ERICH1: variants seen among roughly 807,000 people sequenced by gnomAD.
ERICH1 encodes the protein glutamate rich 1, also known as glutamate-rich protein 1.
A neutral mutation model predicts 39.6 loss-of-function variants in ERICH1; 56 were observed. The ratio of observed to expected loss-of-function variants is 1.41; its 90% CI spans 1.14 to 1.77. The LOEUF is 1.77. Among genes scored for constraint, ERICH1 ranks in the 40% most tolerant of loss-of-function variants. The pLI, the probability that ERICH1 is intolerant of heterozygous loss-of-function variation, is 0.00. For missense variants in ERICH1, 826 were observed against 575.4 expected (o/e 1.44, Z -4.45); for synonymous variants, 313 against 223.6 (o/e 1.40, Z -3.57).
chr8:710,737 G>A (rs1051795075), intron 2 of ERICH1, among the ~76,000 whole-genome samples: 3 of 152,142 alleles, frequency 2.0e-5, no homozygotes, highest in East Asian at 1.9e-4. Flanking sequence ...ATAATTTTCC[G>A]TTGTCTGGAT....
chr8:695,006 C>A (rs893186551), intron 2 of ERICH1, among the ~76,000 whole-genome samples: 9 of 152,138 alleles, frequency 5.9e-5, no homozygotes, highest in Non-Finnish European at 1.3e-4. Flanking sequence ...CACCAGCATC[C>A]CTCGGGAAAG....
chr8:627,572 G>A (rs887141787), intron 3 of ERICH1, among the ~76,000 whole-genome samples: 8 of 152,348 alleles, frequency 5.3e-5, no homozygotes, highest in Admixed American at 4.6e-4. Flanking sequence ...TGGCCAGGGG[G>A]TAAGAAGATG....
intron 3 of ERICH1, among the ~76,000 whole-genome samples, chr8:656,518 C>T (rs1441109425): frequency 6.6e-6 from 1 of 152,220 alleles, no homozygotes; most frequent in Admixed American, 6.5e-5. Flanking sequence ...CACCTGTGCT[C>T]TGGTGCTATG....
chr8:699,838 G>C (rs113435124), intron 2 of ERICH1, among the ~76,000 whole-genome samples: 4,086 of 57,514 alleles, frequency 0.071, 309 homozygotes, highest in East Asian at 0.2. Flanking sequence ...GACCCGCACA[G>C]GCGCACAGAC....
chr8:711,143 C>G (rs894791344), intron 2 of ERICH1, among the ~76,000 whole-genome samples: 1 of 152,196 alleles, frequency 6.6e-6, no homozygotes, highest in Non-Finnish European at 1.5e-5. Context: ...TATTTGCCAT[C>G]TACATATTTT....
chr8:679,428 C>A (rs1805613522), intron 3 of ERICH1, among the ~76,000 whole-genome samples: 1 of 131,272 alleles, frequency 7.6e-6, no homozygotes, highest in African/African-American at 3.0e-5. Context: ...CTCACAAAAG[C>A]TCTGGCCGTC....
intron 1 of ERICH1, among the ~76,000 whole-genome samples, chr8:719,807 C>T (rs1272124462): frequency 5.3e-5 from 8 of 152,266 alleles, no homozygotes; most frequent in Middle Eastern, 3.4e-3. Flanking sequence ...TCATTCGTTC[C>T]AAGGACCATC....
At position 731,186 on chromosome 8, in the gene ERICH1, ACCACGGCGCGCGGTCCTGAGCTGAG is replaced by A. The variant is rs1563392534; in HGVS notation, c.-50_-26del. The A allele has an allele frequency of 1.3e-6, 2 of 1,495,832 alleles. No individual in the cohort carries two copies. The highest frequency in any genetic ancestry group is 1.8e-6 in the Non-Finnish European group (2 of 1,124,970). 92.7% of individuals were successfully genotyped at this position (1,495,832 alleles called of 1,614,324 possible). On this transcript the variant is annotated 5_prime_UTR_variant, in exon 1 of 6. Transcript: ENST00000262109. ...TGCGGGACCCTGCCGCGGACCTCAG[ACCACGGCGCGCGGTCCTGAGCTGAG>A]CGCCGTGCCTTCCGGGTTCCGCCCT...
intron 2 of ERICH1, among the ~76,000 whole-genome samples, chr8:707,640 C>G (rs1468004865): frequency 6.6e-6 from 1 of 152,076 alleles, no homozygotes; most frequent in Non-Finnish European, 1.5e-5. Context: ...TACACAACAT[C>G]AGCTGAAAAC....
intron 4 of ERICH1, among the ~76,000 whole-genome samples, chr8:672,995 G>A (rs1349571441): frequency 1.3e-5 from 2 of 152,364 alleles, no homozygotes; most frequent in Non-Finnish European, 2.9e-5. Context: ...GGAGGACACG[G>A]GGCCAGCCTG....
chr8:699,356 G>T (rs1811135589), intron 2 of ERICH1, among the ~76,000 whole-genome samples: 1 of 152,182 alleles, frequency 6.6e-6, no homozygotes, highest in Admixed American at 6.5e-5. Context: ...TGTCCCAGCG[G>T]CCTTCTTCTC....
chr8:651,538 G>A (rs1321541700), intron 3 of ERICH1, among the ~76,000 whole-genome samples: 1 of 152,160 alleles, frequency 6.6e-6, no homozygotes, highest in Non-Finnish European at 1.5e-5. Context: ...ACTGCCCAAA[G>A]AAGAACCTGG....
intron 2 of ERICH1, among the ~76,000 whole-genome samples, chr8:708,268 C>G (rs1485950770): frequency 6.6e-6 from 1 of 152,172 alleles, no homozygotes; most frequent in Non-Finnish European, 1.5e-5. Flanking sequence ...CCATTTGACC[C>G]TGCATTTCCA....
chr8:698,929 C>A (rs1019725610), intron 2 of ERICH1, among the ~76,000 whole-genome samples: 1 of 146,788 alleles, frequency 6.8e-6, no homozygotes, highest in Admixed American at 6.8e-5. Context: ...ACCAGGGAGG[C>A]TCTCCAGGAT....
chr8:631,600 G>A (rs1179842636), intron 3 of ERICH1, among the ~76,000 whole-genome samples: 3 of 152,190 alleles, frequency 2.0e-5, no homozygotes, highest in Admixed American at 6.5e-5. Flanking sequence ...GCCAGGGAGT[G>A]GGGGCAATGC....
intron 5 of ERICH1, 49 bp downstream of exon 5, chr8:668,549 C>T (rs532483269): frequency 5.6e-6 from 9 of 1,607,874 alleles, no homozygotes; most frequent in South Asian, 3.3e-5. Context: ...AGGCAAACCT[C>T]GATGAGAGTA....
chr8:627,433 G>A (rs562519086), intron 3 of ERICH1, among the ~76,000 whole-genome samples: 1 of 152,310 alleles, frequency 6.6e-6, no homozygotes, highest in African/African-American at 2.4e-5. Flanking sequence ...CCCTCTCCCA[G>A]GGGTCAGGCA....
At chr8:676,778 T>C (rs965154943) in intron 3 of ERICH1, among the ~76,000 whole-genome samples, 1 of 152,196 alleles carries the variant, frequency 6.6e-6, no homozygotes, top group African/African-American at 2.4e-5. Context: ...ACTATAAAGC[T>C]TGCCGCTGCA....
At chr8:633,151 A>AT (rs1157962611) in intron 3 of ERICH1, among the ~76,000 whole-genome samples, 2 of 152,088 alleles carry the variant, frequency 1.3e-5, no homozygotes, top group Non-Finnish European at 2.9e-5. Flanking sequence ...GACGGAAACC[A>AT]GTGTGGAGCC....
Sources: allele counts gnomAD v4.1 joint callset (sites outside exome capture counted in the v4.1 genomes callset), GRCh38; gene constraint gnomAD v4.1.1; transcripts MANE v1.5; gene names NCBI Gene and HGNC (gene_info 2026-07-23, HGNC 2026-07-21).